The following LONRF1 variants were observed in gnomAD, a reference collection of about 807,000 sequenced individuals.
LONRF1 encodes LON peptidase N-terminal domain and RING finger protein 1.
A neutral mutation model predicts 85.8 loss-of-function variants in LONRF1; 37 were observed. That is an observed-to-expected ratio of 0.43 (90% CI 0.33 to 0.57). LONRF1 has a LOEUF of 0.57. LONRF1 is among the 20% of genes least tolerant of loss of function. The probability of loss-of-function intolerance (pLI) is 0.04; values close to 1 mark genes in which losing one functional copy is unlikely to be tolerated. For synonymous variants in LONRF1, 517 were observed against 390.1 expected (o/e 1.33, Z -3.83); for missense variants, 1,036 against 978.0 (o/e 1.06, Z -0.79).
rs1798785854 is a variant in LONRF1 at position 12,737,977 on chromosome 8, C to A, written c.1113+18G>T. The A allele has an allele frequency of 5.7e-6, 9 of 1,590,564 alleles. No individual in the cohort carries two copies. The highest frequency in any genetic ancestry group is 7.7e-6 in the Non-Finnish European group (9 of 1,172,758). Reference sequence around the variant, plus strand: ...AATGGATACGCTAAACTCATGATAACCTTGTCTCACCCCGTACCTGCTTTG... The same window carrying A: ...AATGGATACGCTAAACTCATGATAAACTTGTCTCACCCCGTACCTGCTTTG... On this transcript the variant is annotated intron_variant, in intron 4 of 11. Coordinates refer to ENST00000398246, the MANE Select transcript of LONRF1 (RefSeq NM_152271.5).
chr8:12,746,400 A>T (rs1257737283), intron 1 of LONRF1, among the ~76,000 whole-genome samples: 1 of 152,140 alleles, frequency 6.6e-6, no homozygotes, highest in Non-Finnish European at 1.5e-5. Context: ...TTCATGCCTC[A>T]TTCCTGTGCT....
chr8:12,738,169 T>C (rs752456896), intron 3 of LONRF1, 25 bp from the exon 4 acceptor site: 7 of 1,377,118 alleles, frequency 5.1e-6, no homozygotes, highest in Non-Finnish European at 5.9e-6. Flanking sequence ...TTAAAAGTAG[T>C]AGAAAATATA....
chr8:12,749,771 A>C (rs1765658203), intron 1 of LONRF1, among the ~76,000 whole-genome samples: 1 of 152,226 alleles, frequency 6.6e-6, no homozygotes, highest in Non-Finnish European at 1.5e-5. Flanking sequence ...TACCTTATGA[A>C]TCAAAGAAAA....
intron 6 of LONRF1, among the ~76,000 whole-genome samples, chr8:12,735,865 C>A (rs930922691): frequency 9.2e-5 from 14 of 152,088 alleles, no homozygotes; most frequent in Non-Finnish European, 1.5e-4. Context: ...GTTTATAAGA[C>A]CCTTATGATA....
chr8:12,733,285 G>A (rs774877491), intron 7 of LONRF1, among the ~76,000 whole-genome samples: 6 of 150,524 alleles, frequency 4.0e-5, no homozygotes, highest in Non-Finnish European at 8.9e-5. Flanking sequence ...AAACATCTAG[G>A]GAAATACAGC....
intron 10 of LONRF1, chr8:12,727,187 C>T (rs539711706): frequency 6.8e-6 from 1 of 147,042 alleles, no homozygotes; most frequent in Admixed American, 7.0e-5. Flanking sequence ...AAATGACAGG[C>T]TCTGGTAAAC....
intron 4 of LONRF1, chr8:12,737,403 C>A: frequency 6.4e-6 from 4 of 620,458 alleles, no homozygotes; most frequent in Admixed American, 2.2e-5. Flanking sequence ...GAACATATAT[C>A]GACTTTTTTC....
chr8:12,726,985 T>C (rs929178873), intron 10 of LONRF1, among the ~76,000 whole-genome samples: 2 of 151,900 alleles, frequency 1.3e-5, no homozygotes, highest in African/African-American at 4.8e-5. Flanking sequence ...TTTACCACAA[T>C]AAAAATAAAC....
intron 4 of LONRF1, 62 bp downstream of exon 4, chr8:12,737,933 A>C (rs1156370882): frequency 4.6e-6 from 7 of 1,511,200 alleles, no homozygotes; most frequent in Non-Finnish European, 5.3e-6. Context: ...AGGAAAGTGA[A>C]GCTCTTAACT....
intron 7 of LONRF1, among the ~76,000 whole-genome samples, chr8:12,734,828 T>C (rs560587561): frequency 6.6e-6 from 1 of 152,312 alleles, no homozygotes; most frequent in East Asian, 1.9e-4. Flanking sequence ...ACATGGCTAA[T>C]GGCTAATATA....
rs192066425 is a variant in LONRF1 at position 12,747,431 on chromosome 8, T to C, written c.722-4149A>G. Among the ~76,000 whole-genome samples the C allele has an allele frequency of 2.6e-4, 39 of 152,294 alleles. No individual in the cohort carries two copies. The East Asian group carries it at 2.9e-3, about 11-fold the overall frequency. ...GTTTACTCATACAATTTGAAAAATA[T>C]AGAAATAAGAGGTAAAAACTATCTT... On this transcript the variant is annotated intron_variant, in intron 1 of 11. Transcript: ENST00000398246.
At position 12,736,690 on chromosome 8, in the gene LONRF1, T is replaced by G. The variant is rs1284919830; in HGVS notation, c.1451+11A>C. On this transcript the variant is annotated intron_variant, in intron 6 of 11. Transcript: ENST00000398246. ...AAAATATTCATCTTCTATAAAGTTT[T>G]ATATGCTTACCTCATGCAGAGAGAA... 1 of 1,567,892 alleles carries G rather than the reference T, an allele frequency of 6.4e-7. No homozygotes were observed. Among genetic ancestry groups the G allele is most frequent in the Non-Finnish European group, 8.7e-7 (1 of 1,148,288 alleles).
At chr8:12,741,221 T>C (rs1798922832) in intron 2 of LONRF1, among the ~76,000 whole-genome samples, 1 of 152,056 alleles carries the variant, frequency 6.6e-6, no homozygotes, top group African/African-American at 2.4e-5. Context: ...CTGCCTCTAC[T>C]ACAAATGCAA....
Position 12,740,936 on chromosome 8 carries a change from G to T in LONRF1, c.901C>A (p.Leu301Ile), listed in dbSNP as rs758592289. Residue 301 changes from leucine to isoleucine, a missense_variant, in exon 3 of 12, where the codon CTC becomes ATC. Transcript: ENST00000398246. ...DAGFLGDALQ[L>I]FLQCLALDED... ...TCAAGGGCTAAGCACTGAAGAAAGAGTTGTAAGGCATCACCTAAAAAACCA... is the reference window on the plus strand; with the variant it reads ...TCAAGGGCTAAGCACTGAAGAAAGATTTGTAAGGCATCACCTAAAAAACCA... 6.2e-7 allele frequency: 1 copy of T among 1,613,580 alleles called. No homozygotes were observed. Among genetic ancestry groups the T allele is most frequent in the Non-Finnish European group, 8.5e-7 (1 of 1,179,640 alleles).
chr8:12,753,532 G>C (rs1181467954), intron 1 of LONRF1: 1 of 152,138 alleles, frequency 6.6e-6, no homozygotes, highest in African/African-American at 2.4e-5. Context: ...GGATGTCTGA[G>C]CAGCACCCCA....
At position 12,744,787 on chromosome 8, in the gene LONRF1, C is replaced by A. The variant is rs2117315790; in HGVS notation, c.722-1505G>T. Among the ~76,000 whole-genome samples the A allele has an allele frequency of 2.0e-5, 3 of 152,312 alleles. 1 individual carries two copies. In the Middle Eastern group the frequency reaches 0.01, roughly 518 times the overall value. On this transcript the variant is annotated intron_variant, in intron 1 of 11. Coordinates refer to ENST00000398246, the MANE Select transcript of LONRF1 (RefSeq NM_152271.5). The stretch of plus-strand genomic sequence containing the variant: ...CAGTTTTCCACCCACAGCTGGGGTG[C>A]TTCCAATAGCATCCTTGAGACAGAC...
chr8:12,740,794 C>T, intron 3 of LONRF1, 80 bp downstream of exon 3: 6 of 1,521,092 alleles, frequency 3.9e-6, no homozygotes, highest in African/African-American at 1.4e-5. Flanking sequence ...GTTCTTATTC[C>T]AACTTTTATT....
rs887663835 is a variant in LONRF1, at chr8:12,731,855, A to G, written c.1569T>C (p.Tyr523=). The G allele has an allele frequency of 4.4e-6, 7 of 1,609,062 alleles. No homozygotes were observed. In the African/African-American group the frequency reaches 5.4e-5, roughly 12 times the overall value. Residue 523 remains tyrosine (Y), a splice_region_variant and synonymous_variant, in exon 8 of 12, where the codon TAT becomes TAC. Coordinates refer to ENST00000398246, the MANE Select transcript of LONRF1 (RefSeq NM_152271.5). ...TGACACAGTACCTCCTATCTGCTAG[A>G]TACTAAAAGACAATATTATTTTACA... ...CPLCKESLKE[Y]LADRRYCVTQ... is the part of the protein sequence containing the mutation.
At chr8:12,730,816 C>G (rs926608939) in intron 8 of LONRF1, among the ~76,000 whole-genome samples, 2 of 152,124 alleles carry the variant, frequency 1.3e-5, no homozygotes, top group South Asian at 2.1e-4. Flanking sequence ...CTGAAGACAT[C>G]TGATGGGCAC....
Sources: allele counts gnomAD v4.1 joint callset (sites outside exome capture counted in the v4.1 genomes callset), GRCh38; gene constraint gnomAD v4.1.1; transcripts MANE v1.5; gene names NCBI Gene and HGNC (gene_info 2026-07-23, HGNC 2026-07-21).